Variants in RGS7 observed in about 807,000 individuals in gnomAD.
The protein encoded by RGS7 is regulator of G protein signaling 7.
A neutral mutation model predicts 81.1 loss-of-function variants in RGS7; 27 were observed. That is an observed-to-expected ratio of 0.33 (90% CI 0.25 to 0.46). The LOEUF (loss-of-function observed/expected upper bound fraction) is 0.46, where lower values mean the gene tolerates loss of function less well. Ranked by LOEUF, RGS7 falls within the 20% of genes least tolerant of loss-of-function variation. The pLI, the probability that RGS7 is intolerant of heterozygous loss-of-function variation, is 1.00. For synonymous variants in RGS7, 208 were observed against 207.7 expected (o/e 1.00, Z -0.01); for missense variants, 396 against 607.4 (o/e 0.65, Z 3.66).
At position 240,811,441 on chromosome 1, in the gene RGS7, T is replaced by C. The variant is rs946067011; in HGVS notation, c.1082+477A>G. 2.6e-5 allele frequency among the ~76,000 whole-genome samples: 4 copies of C among 152,368 alleles called. No homozygotes were observed. The East Asian group carries it at 5.8e-4, about 22-fold the overall frequency. Reference sequence around the variant, plus strand: ...CTCTCAATTGCCCTGTGGCTATTATTTAAACATGCAAAGAGAATGAGACAG... The same window carrying C: ...CTCTCAATTGCCCTGTGGCTATTATCTAAACATGCAAAGAGAATGAGACAG... On this transcript the variant is annotated intron_variant, in intron 14 of 18. Transcript: ENST00000440928.
chr1:240,894,443 TC>T (rs1668724421), intron 6 of RGS7, among the ~76,000 whole-genome samples: 1 of 152,154 alleles, frequency 6.6e-6, no homozygotes, highest in Non-Finnish European at 1.5e-5. Context: ...GGGTCTAACA[TC>T]CTTTACTCTA....
At chr1:240,781,314 ACT>A (rs1376254715) in intron 18 of RGS7, among the ~76,000 whole-genome samples, 1 of 152,120 alleles carries the variant, frequency 6.6e-6, no homozygotes, top group African/African-American at 2.4e-5. Flanking sequence ...TAACAACAAA[ACT>A]CTGTGTGGAC....
At chr1:241,305,645 T>C (rs2080052440) in intron 2 of RGS7, 5 of 154,840 alleles carry the variant, frequency 3.2e-5, no homozygotes, top group South Asian at 1.9e-4. Context: ...TCACTTTCTC[T>C]TGGGGGGGAA....
At chr1:241,129,733 A>G (rs1387475923) in intron 2 of RGS7, among the ~76,000 whole-genome samples, 1 of 152,088 alleles carries the variant, frequency 6.6e-6, no homozygotes, top group Non-Finnish European at 1.5e-5. Flanking sequence ...CCCAGAAATC[A>G]GTAGGTATAG....
At chr1:241,060,241 C>T (rs976612215) in intron 3 of RGS7, among the ~76,000 whole-genome samples, 33 of 152,188 alleles carry the variant, frequency 2.2e-4, no homozygotes, top group African/African-American at 7.9e-4. Flanking sequence ...AGCAACAAGT[C>T]AAAAGAAATG....
At chr1:241,320,303 T>A (rs2081135524) in intron 2 of RGS7, among the ~76,000 whole-genome samples, 1 of 152,174 alleles carries the variant, frequency 6.6e-6, no homozygotes, top group Non-Finnish European at 1.5e-5. Context: ...CAGGAACACT[T>A]TCTGAGTTCT....
At chr1:240,882,622 G>A (rs1666598778) in intron 6 of RGS7, among the ~76,000 whole-genome samples, 1 of 152,138 alleles carries the variant, frequency 6.6e-6, no homozygotes, top group Non-Finnish European at 1.5e-5. Context: ...TGGCAATGAA[G>A]GAGACAATTC....
At chr1:241,180,667 A>T (rs976914749) in intron 2 of RGS7, among the ~76,000 whole-genome samples, 2 of 152,194 alleles carry the variant, frequency 1.3e-5, no homozygotes, top group African/African-American at 4.8e-5. Flanking sequence ...TATTATAATA[A>T]GATGTCCTTT....
At chr1:240,967,755 G>C (rs1682576422) in intron 4 of RGS7, among the ~76,000 whole-genome samples, 1 of 152,178 alleles carries the variant, frequency 6.6e-6, no homozygotes, top group Non-Finnish European at 1.5e-5. Flanking sequence ...AAGAAGACTG[G>C]ACAGACAGAT....
chr1:241,331,619 T>C (rs2081984673), intron 2 of RGS7, among the ~76,000 whole-genome samples: 1 of 152,232 alleles, frequency 6.6e-6, no homozygotes. Context: ...TTTGTTACTC[T>C]AGTTCTGTAT....
At chr1:240,983,546 A>C (rs1685234834) in intron 3 of RGS7, among the ~76,000 whole-genome samples, 1 of 152,044 alleles carries the variant, frequency 6.6e-6, no homozygotes, top group African/African-American at 2.4e-5. Context: ...AGTCAAACCA[A>C]ATTTGTTTTT....
intron 6 of RGS7, among the ~76,000 whole-genome samples, chr1:240,874,668 G>A (rs924826550): frequency 6.6e-6 from 1 of 152,004 alleles, no homozygotes; most frequent in Non-Finnish European, 1.5e-5. Flanking sequence ...TAGGTTATAC[G>A]CTTTGCTATG....
intron 6 of RGS7, among the ~76,000 whole-genome samples, chr1:240,876,158 G>T (rs573446404): frequency 5.9e-5 from 9 of 152,292 alleles, no homozygotes; most frequent in Non-Finnish European, 1.5e-5. Flanking sequence ...TAGCTAGACA[G>T]CCTGCCTCTT....
intron 3 of RGS7, among the ~76,000 whole-genome samples, chr1:241,034,967 C>A (rs1034684284): frequency 6.6e-5 from 10 of 152,048 alleles, no homozygotes; most frequent in Non-Finnish European, 1.2e-4. Flanking sequence ...CACTTCTTCT[C>A]GTATTTAAGA....
chr1:240,976,529 T>A (rs1684084628), intron 4 of RGS7, among the ~76,000 whole-genome samples: 1 of 152,182 alleles, frequency 6.6e-6, no homozygotes, highest in Non-Finnish European at 1.5e-5. Flanking sequence ...AGATTACTCT[T>A]CGTAATGTGG....
chr1:240,998,891 C>T (rs574903999), intron 3 of RGS7: 44 of 402,648 alleles, frequency 1.1e-4, no homozygotes, highest in African/African-American at 8.8e-4. Context: ...TTTTTAGTCC[C>T]CTTATCTTTT....
chr1:241,015,439 T>C (rs1357448367), intron 3 of RGS7, among the ~76,000 whole-genome samples: 1 of 152,228 alleles, frequency 6.6e-6, no homozygotes, highest in Admixed American at 6.5e-5. Flanking sequence ...TGCAATTTGT[T>C]AGTAATTTGC....
intron 3 of RGS7, among the ~76,000 whole-genome samples, chr1:241,086,812 C>T (rs1022393277): frequency 1.8e-4 from 27 of 152,106 alleles, no homozygotes; most frequent in African/African-American, 4.8e-4. Context: ...GCAAAGGTCA[C>T]GCGACAATAT....
chr1:241,131,708 A>G (rs2067115541), intron 2 of RGS7, among the ~76,000 whole-genome samples: 1 of 152,298 alleles, frequency 6.6e-6, no homozygotes, highest in Middle Eastern at 3.4e-3. Flanking sequence ...TTTCCTTTTT[A>G]CTATTCTAAA....
Sources: gnomAD v4.1 joint callset for allele counts (sites outside exome capture counted in the v4.1 genomes callset) on GRCh38, gnomAD v4.1.1 for gene constraint, MANE v1.5 for transcripts, NCBI Gene and HGNC (gene_info 2026-07-23, HGNC 2026-07-21) for gene names.